Variants in OTOA observed in about 807,000 individuals in gnomAD.
OTOA encodes otoancorin, also known as cancer/testis antigen 108.
A neutral mutation model predicts 110.8 loss-of-function variants in OTOA; 70 were observed. The observed-to-expected ratio is 0.63, with a 90% confidence interval of 0.52 to 0.77. The LOEUF is 0.77. OTOA is among the 30% of genes least tolerant of loss of function. The pLI is 0.00. For synonymous variants in OTOA, 373 were observed against 431.5 expected, an observed-to-expected ratio of 0.86 and a Z score of 1.68; for missense variants, 917 against 1,075.8, an observed-to-expected ratio of 0.85 and a Z score of 2.06.
At chr16:21,737,945 A>G (rs1311209517) in intron 22 of OTOA, among the ~76,000 whole-genome samples, 1 of 152,312 alleles carries the variant, frequency 6.6e-6, no homozygotes, top group East Asian at 1.9e-4. Context: ...TCATCCACCC[A>G]ACAAATATTC....
chr16:21,684,622 G>T (rs1258114017), intron 6 of OTOA: 34 of 1,327,964 alleles, frequency 2.6e-5, no homozygotes, highest in Non-Finnish European at 3.4e-5. Context: ...CTGTCCCTTG[G>T]CTTGCCAATT....
chr16:21,689,831 G>C (rs1487966664), intron 8 of OTOA, among the ~76,000 whole-genome samples: 1 of 152,004 alleles, frequency 6.6e-6, no homozygotes, highest in Non-Finnish European at 1.5e-5. Flanking sequence ...GATTACAGGT[G>C]CATGCCACCA....
intron 11 of OTOA, among the ~76,000 whole-genome samples, chr16:21,703,876 C>T (rs1898101640): frequency 6.6e-6 from 1 of 152,170 alleles, no homozygotes; most frequent in Non-Finnish European, 1.5e-5. Context: ...TTAACTTTCA[C>T]AATCATCCTC....
At chr16:21,716,244 A>G (rs1412991523) in intron 14 of OTOA, among the ~76,000 whole-genome samples, 3 of 151,506 alleles carry the variant, frequency 2.0e-5, no homozygotes, top group African/African-American at 7.3e-5. Flanking sequence ...TTGCTCTATC[A>G]GGTCCGTTCT....
In OTOA at chr16:21,735,404, T is replaced by C. The variant is rs541916119; in HGVS notation, c.2302-857T>C. Among the ~76,000 whole-genome samples, 10 of 151,930 alleles carry C rather than the reference T, an allele frequency of 6.6e-5. No individual in the cohort carries two copies. In the South Asian group the frequency reaches 2.1e-3, roughly 32 times the overall value. ...TATTGTGAGGACAGTACCAAGGGGA[T>C]TGTATTTAACCATTCATGAGAAATC... On this transcript the variant is annotated intron_variant, in intron 21 of 28. Transcript: ENST00000646100.
chr16:21,744,307 T>G (rs1299055177), intron 23 of OTOA, among the ~76,000 whole-genome samples: 2 of 146,744 alleles, frequency 1.4e-5, no homozygotes, highest in African/African-American at 2.4e-5. Context: ...GCACAGCTAA[T>G]TTTTTTTTTT....
At chr16:21,711,201 G>A (rs1337467651) in intron 13 of OTOA, among the ~76,000 whole-genome samples, 3 of 152,180 alleles carry the variant, frequency 2.0e-5, no homozygotes, top group Non-Finnish European at 4.4e-5. Flanking sequence ...CTGCTGTTAA[G>A]CTGCTATTAG....
chr16:21,678,930 T>G lies in OTOA; in HGVS notation c.107T>G (p.Leu36Trp). The G allele has an allele frequency of 6.2e-7, 1 of 1,613,764 alleles. No homozygotes were observed. The highest frequency in any genetic ancestry group is 1.3e-5 in the African/African-American group (1 of 75,058). ...TTTCTTACAGATTTGCATCCATTGT[T>G]GCAAAACATGGCGGTGAGTATTCTA... ...PNSRQDLHPL[L>W]QNMAEEIIDG... is the part of the protein sequence containing the mutation. The change falls in exon 3 of 29, where the codon TTG becomes TGG. Residue 36 changes from leucine to tryptophan, a missense_variant. Leu to Trp is a moderately conservative substitution (Grantham distance 61). Around this residue, in one of 6 missense-constraint regions of OTOA, gnomAD observed 840 missense variants for 910.2 expected, o/e 0.92. Transcript: ENST00000646100.
chr16:21,684,720 CTTATTATTA>C (rs531589434), intron 6 of OTOA, among the ~76,000 whole-genome samples: 1,334 of 126,900 alleles, frequency 0.011, 12 homozygotes, highest in Middle Eastern at 0.017. Flanking sequence ...GAGGAATCCC[CTTATTATTA>C]TTATTATTAT....
intron 7 of OTOA, among the ~76,000 whole-genome samples, chr16:21,686,960 C>T (rs368812727): frequency 5.3e-5 from 8 of 152,194 alleles, no homozygotes; most frequent in Non-Finnish European, 8.8e-5. Context: ...ATGAGAACCA[C>T]GGGCTTGGAG....
At chr16:21,708,422 C>T (rs1330897216) in intron 12 of OTOA, among the ~76,000 whole-genome samples, 1 of 152,156 alleles carries the variant, frequency 6.6e-6, no homozygotes, top group Non-Finnish European at 1.5e-5. Context: ...AGGCCAGGGT[C>T]CCGGTGGTCC....
chr16:21,685,806 G>A (rs538512592), intron 7 of OTOA, among the ~76,000 whole-genome samples: 16 of 151,672 alleles, frequency 1.1e-4, no homozygotes, highest in South Asian at 2.1e-4. Flanking sequence ...TGCCTGCCTC[G>A]GCATCCCAAA....
Position 21,714,972 on chromosome 16 carries a change from G to T in OTOA, c.1321-13G>T. On this transcript the variant is annotated splice_polypyrimidine_tract_variant and intron_variant, in intron 13 of 28. Coordinates refer to ENST00000646100, the MANE Select transcript of OTOA (RefSeq NM_144672.4). The stretch of plus-strand genomic sequence containing the variant: ...GGGAGCAGAGCCTGACTGCGCAGCC[G>T]CTCCTCTTCCAGGTGCTGTCTTTCT... 1 of 1,614,018 alleles carries T rather than the reference G, an allele frequency of 6.2e-7. No homozygotes were observed. The highest frequency in any genetic ancestry group is 8.5e-7 in the Non-Finnish European group (1 of 1,179,966).
rs142890730 is a variant in OTOA, at chr16:21,716,955, G to A, written c.1537G>A (p.Ala513Thr). 5.0e-6 allele frequency: 8 copies of A among 1,614,030 alleles called. No individual in the cohort carries two copies. In the African/African-American group the frequency reaches 8.0e-5, roughly 16 times the overall value. Residue 513 changes from alanine to threonine, a missense_variant, in exon 15 of 29, where the codon GCT becomes ACT. Around this residue, in one of 6 missense-constraint regions of OTOA, gnomAD observed 840 missense variants for 910.2 expected, o/e 0.92. Coordinates refer to ENST00000646100, the MANE Select transcript of OTOA (RefSeq NM_144672.4). ...TAPGIVEIQG[A>T]FFKEVSLFDL... Reference sequence around the variant, plus strand: ...CCCAGGCATCGTGGAGATACAAGGGGCTTTCTTTAAGGAAGTGTCTCTCTT... The same window carrying A: ...CCCAGGCATCGTGGAGATACAAGGGACTTTCTTTAAGGAAGTGTCTCTCTT...
chr16:21,744,069 A>ACT lies in OTOA; in HGVS notation c.2620-807_2620-806dup, dbSNP rs1213546427. ...TTTGTTGTGAGAATATTTAACATCT[A>ACT]CTCTCTTCACAATTTTCAACCATTC... On this transcript the variant is annotated intron_variant, in intron 23 of 28. Coordinates refer to ENST00000646100, the MANE Select transcript of OTOA (RefSeq NM_144672.4). 1.6e-4 allele frequency among the ~76,000 whole-genome samples: 22 copies of ACT among 137,836 alleles called. 3 individuals are homozygous for ACT. Among genetic ancestry groups the ACT allele is most frequent in the African/African-American group, 5.6e-4 (21 of 37,518 alleles). The allele number at this position is 137,836 out of a possible 152,430, so 90.4% of individuals were successfully genotyped here.
chr16:21,691,579 T>G lies in OTOA; in HGVS notation c.636-5T>G. ...TTAGCTGATGCCTGTGTTTGTGTCA[T>G]TTAGATCTGCAGTGTTCAAAGATCT... On this transcript the variant is annotated splice_polypyrimidine_tract_variant and splice_region_variant and intron_variant, in intron 8 of 28. Coordinates refer to ENST00000646100, the MANE Select transcript of OTOA (RefSeq NM_144672.4). 6.2e-7 allele frequency: 1 copy of G among 1,611,252 alleles called. No homozygotes were observed. Among genetic ancestry groups the G allele is most frequent in the African/African-American group, 1.3e-5 (1 of 74,980 alleles).
intron 6 of OTOA, among the ~76,000 whole-genome samples, chr16:21,683,526 C>T (rs1966934127): frequency 6.6e-6 from 1 of 151,868 alleles, no homozygotes; most frequent in African/African-American, 2.4e-5. Flanking sequence ...GACCTTGTCT[C>T]TACAAAAACA....
rs943994921 is a variant in OTOA, at chr16:21,684,478, C to T, written c.268-752C>T. On this transcript the variant is annotated intron_variant, in intron 6 of 28. Coordinates refer to ENST00000646100, the MANE Select transcript of OTOA (RefSeq NM_144672.4). ...TGGTAGCTTGGGTTTGGGCACAGTG[C>T]CATCTGGGGTTCTAAACTTCCTGGA... The T allele has an allele frequency of 2.5e-5, 39 of 1,548,012 alleles. No homozygotes were observed. The African/African-American group carries it at 4.7e-4, about 18-fold the overall frequency.
intron 17 of OTOA, among the ~76,000 whole-genome samples, chr16:21,719,943 G>T (rs1898677551): frequency 6.6e-6 from 1 of 151,444 alleles, no homozygotes; most frequent in Non-Finnish European, 1.5e-5. Context: ...GAGACTAGAA[G>T]CAGTAACTGA....
Sources: gnomAD v4.1 joint callset for allele counts (sites outside exome capture counted in the v4.1 genomes callset) on GRCh38, gnomAD v4.1.1 for gene constraint, gnomAD v4.1.1 regional missense constraint, MANE v1.5 for transcripts, NCBI Gene and HGNC (gene_info 2026-07-23, HGNC 2026-07-21) for gene names.